SMAD2: variants seen among roughly 807,000 people sequenced by gnomAD.
The protein encoded by SMAD2 is SMAD family member 2.
Under a neutral mutation model 64.4 loss-of-function variants are expected in SMAD2, and 8 were observed. The ratio of observed to expected loss-of-function variants is 0.12; its 90% CI spans 0.07 to 0.22. SMAD2 has a LOEUF of 0.22. SMAD2 is among the 10% of genes least tolerant of loss of function. The pLI, the probability that SMAD2 is intolerant of heterozygous loss-of-function variation, is 1.00. For synonymous variants in SMAD2, 203 were observed against 195.8 expected, an observed-to-expected ratio of 1.04 and a Z score of -0.31; for missense variants, 289 against 561.2, an observed-to-expected ratio of 0.51 and a Z score of 4.90.
chr18:47,861,371 T>C (rs2031177053), intron 6 of SMAD2, among the ~76,000 whole-genome samples: 1 of 152,034 alleles, frequency 6.6e-6, no homozygotes, highest in African/African-American at 2.4e-5. Flanking sequence ...ACAGATGACA[T>C]GGCTGTGTAT....
At chr18:47,922,267 T>C (rs2034589687) in intron 1 of SMAD2, among the ~76,000 whole-genome samples, 1 of 152,226 alleles carries the variant, frequency 6.6e-6, no homozygotes. Context: ...AATATGATGG[T>C]GCTGCCTCAT....
rs149388965 is a variant in SMAD2, at chr18:47,836,094, T to C, written c.*5733A>G. On this transcript the variant is annotated 3_prime_UTR_variant, in exon 11 of 11. Coordinates refer to ENST00000262160, the MANE Select transcript of SMAD2 (RefSeq NM_005901.6). Reference sequence around the variant, plus strand: ...GTTAAGTTAATATACTCCAGCGAGATCACCTGTGGGTCAAGGATGGCCCAG... The same window carrying C: ...GTTAAGTTAATATACTCCAGCGAGACCACCTGTGGGTCAAGGATGGCCCAG... 6.0e-3 allele frequency: 1,290 copies of C among 216,390 alleles called. 10 individuals carry two copies. Among genetic ancestry groups the C allele is most frequent in the African/African-American group, 0.027 (1,194 of 44,418 alleles). 13.4% of individuals were successfully genotyped at this position (216,390 alleles called of 1,614,324 possible). A position where few individuals can be genotyped will look rare whatever the true frequency, so the allele number is the denominator to read the frequency against.
intron 2 of SMAD2, among the ~76,000 whole-genome samples, chr18:47,888,556 A>C (rs1361346108): frequency 6.6e-6 from 1 of 152,202 alleles, no homozygotes; most frequent in Non-Finnish European, 1.5e-5. Context: ...ACAAGCTTTC[A>C]ATCAAAATCC....
At position 47,864,529 on chromosome 18, in the gene SMAD2, T is replaced by C. The variant is rs187236490; in HGVS notation, c.730+530A>G. Among the ~76,000 whole-genome samples the C allele has an allele frequency of 4.4e-3, 663 of 152,304 alleles. 5 individuals are homozygous for C. Among genetic ancestry groups the C allele is most frequent in the Non-Finnish European group, 7.4e-3 (506 of 67,980 alleles). On this transcript the variant is annotated intron_variant, in intron 6 of 10. Coordinates refer to ENST00000262160, the MANE Select transcript of SMAD2 (RefSeq NM_005901.6). ...GTAGTTTATTAGTTCTGCTGAGTTA[T>C]ACATTTTATTACGTAAGACGTGATT...
chr18:47,910,271 G>A (rs1386567453), intron 1 of SMAD2, among the ~76,000 whole-genome samples: 4 of 151,892 alleles, frequency 2.6e-5, no homozygotes, highest in African/African-American at 9.7e-5. Context: ...GGAATTAACA[G>A]AAGACGACGT....
chr18:47,890,058 G>T (rs1568087623), intron 2 of SMAD2, among the ~76,000 whole-genome samples: 1 of 152,186 alleles, frequency 6.6e-6, no homozygotes, highest in Non-Finnish European at 1.5e-5. Flanking sequence ...CCCCATGCAA[G>T]AATATACCAT....
At chr18:47,924,849 C>A (rs1401791789) in intron 1 of SMAD2, among the ~76,000 whole-genome samples, 1 of 152,212 alleles carries the variant, frequency 6.6e-6, no homozygotes, top group African/African-American at 2.4e-5. Context: ...TATGTCTCTA[C>A]AGAATTTCTG....
intron 6 of SMAD2, among the ~76,000 whole-genome samples, chr18:47,851,794 T>C (rs1163100358): frequency 6.6e-6 from 1 of 152,226 alleles, no homozygotes; most frequent in Non-Finnish European, 1.5e-5. Flanking sequence ...TTGATGGATA[T>C]TCAAGCTATT....
At chr18:47,889,880 T>C (rs1044930743) in intron 2 of SMAD2, among the ~76,000 whole-genome samples, 2 of 152,180 alleles carry the variant, frequency 1.3e-5, no homozygotes, top group African/African-American at 4.8e-5. Flanking sequence ...CTGAAGCTAA[T>C]ATGTTAAACA....
chr18:47,868,471 A>G lies in SMAD2; in HGVS notation c.521-14T>C, dbSNP rs1480100257. 3 of 1,609,632 alleles carry G rather than the reference A, an allele frequency of 1.9e-6. No individual in the cohort carries two copies. The highest frequency in any genetic ancestry group is 3.3e-5 in the Admixed American group (2 of 59,930). On this transcript the variant is annotated splice_polypyrimidine_tract_variant and intron_variant, in intron 4 of 10. Coordinates refer to ENST00000262160, the MANE Select transcript of SMAD2 (RefSeq NM_005901.6). ...CTGGAGGCAAAACTGAAAAAGTTCA[A>G]GAAATCCAAGTTAATGGCAAAGAGC...
In SMAD2 at chr18:47,837,439, G is replaced by A. The variant is rs530316605; in HGVS notation, c.*4388C>T. The stretch of plus-strand genomic sequence containing the variant: ...TAGCCGAGTGTGGTGGTGGGCGCCT[G>A]TAGTCCCAGCTACTTGGGAGGCTGA... On this transcript the variant is annotated 3_prime_UTR_variant, in exon 11 of 11. Transcript: ENST00000262160. The A allele has an allele frequency of 1.5e-5, 3 of 200,594 alleles. No individual in the cohort carries two copies. Among genetic ancestry groups the A allele is most frequent in the Non-Finnish European group, 2.0e-5 (2 of 97,656 alleles). 12.4% of individuals were successfully genotyped at this position (200,594 alleles called of 1,614,324 possible).
At position 47,831,513 on chromosome 18, in the gene SMAD2, A is replaced by C. The variant is rs966200388; in HGVS notation, c.*10314T>G. ...CATTTAGAAAGGTGCAGAGGCAGCC[A>C]ACAAAACTATTGAAGACAGACTGTA... On this transcript the variant is annotated 3_prime_UTR_variant, in exon 11 of 11. Transcript: ENST00000262160. 1 of 152,244 alleles carries C rather than the reference A, an allele frequency of 6.6e-6. No homozygotes were observed. The allele number at this position is 152,244 out of a possible 1,614,324, so 9.4% of individuals were successfully genotyped here.
rs1019170590 is a variant in SMAD2 at position 47,896,904 on chromosome 18, G to A, written c.-53-95C>T. ...AGAAAGCAAACTGCAAAGCAAGATAGAAATTCGAATTATGACTTTCCCAAT... is the reference window on the plus strand; with the variant it reads ...AGAAAGCAAACTGCAAAGCAAGATAAAAATTCGAATTATGACTTTCCCAAT... On this transcript the variant is annotated intron_variant, in intron 1 of 10. Transcript: ENST00000262160. The A allele has an allele frequency of 1.8e-5, 21 of 1,182,302 alleles. No individual in the cohort carries two copies. In the African/African-American group the frequency reaches 3.2e-4, roughly 18 times the overall value. 73.2% of individuals were successfully genotyped at this position (1,182,302 alleles called of 1,614,324 possible). A position where few individuals can be genotyped will look rare whatever the true frequency, so the allele number is the denominator to read the frequency against.
Position 47,836,245 on chromosome 18 carries a change from CAGA to C in SMAD2, c.*5579_*5581del, listed in dbSNP as rs1166408874. On this transcript the variant is annotated 3_prime_UTR_variant, in exon 11 of 11. Coordinates refer to ENST00000262160, the MANE Select transcript of SMAD2 (RefSeq NM_005901.6). ...GGTAACTTAAGCAGCAACCTTGCAC[CAGA>C]AGAAGAATTAAAGAGGGAGCAATCT... The C allele has an allele frequency of 1.3e-5, 3 of 222,910 alleles. No homozygotes were observed. The highest frequency in any genetic ancestry group is 6.5e-5 in the East Asian group (1 of 15,376). 13.8% of individuals were successfully genotyped at this position (222,910 alleles called of 1,614,324 possible).
intron 1 of SMAD2, among the ~76,000 whole-genome samples, chr18:47,919,655 G>A (rs944814340): frequency 2.0e-5 from 3 of 152,112 alleles, no homozygotes; most frequent in African/African-American, 7.2e-5. Flanking sequence ...TAAAAAAGAC[G>A]AAGCCAAAAC....
rs1305121155 is a variant in SMAD2 at position 47,833,362 on chromosome 18, A to G, written c.*8465T>C. On this transcript the variant is annotated 3_prime_UTR_variant, in exon 11 of 11. Transcript: ENST00000262160. The stretch of plus-strand genomic sequence containing the variant: ...AAAGACATCAGTATTCAACAATTTT[A>G]ACTTGAAAACCAGCTGTAATAAAGC... 9.0e-6 allele frequency: 2 copies of G among 221,452 alleles called. No individual in the cohort carries two copies. The highest frequency in any genetic ancestry group is 1.3e-4 in the East Asian group (2 of 15,162). 13.7% of individuals were successfully genotyped at this position (221,452 alleles called of 1,614,324 possible).
At chr18:47,883,412 T>C (rs1228832189) in intron 2 of SMAD2, among the ~76,000 whole-genome samples, 1 of 152,242 alleles carries the variant, frequency 6.6e-6, no homozygotes, top group African/African-American at 2.4e-5. Flanking sequence ...TAAACAGTCT[T>C]TCCTGGTGAA....
At chr18:47,907,425 T>A (rs1159964119) in intron 1 of SMAD2, among the ~76,000 whole-genome samples, 1 of 152,176 alleles carries the variant, frequency 6.6e-6, no homozygotes, top group Non-Finnish European at 1.5e-5. Context: ...ACTGATTTCA[T>A]TCATGGCTTC....
intron 2 of SMAD2, among the ~76,000 whole-genome samples, chr18:47,894,091 C>T (rs1378484508): frequency 6.6e-6 from 1 of 152,192 alleles, no homozygotes; most frequent in Non-Finnish European, 1.5e-5. Flanking sequence ...ACCTCCTCCA[C>T]AGGTTAAATA....
Sources: allele counts gnomAD v4.1 joint callset (sites outside exome capture counted in the v4.1 genomes callset), GRCh38; gene constraint gnomAD v4.1.1; transcripts MANE v1.5; gene names NCBI Gene and HGNC (gene_info 2026-07-23, HGNC 2026-07-21).